The following PSMA1 variants were observed in gnomAD, a reference collection of about 807,000 sequenced individuals.
The protein encoded by PSMA1 is proteasome subunit alpha type-1.
Under a neutral mutation model 38.4 loss-of-function variants are expected in PSMA1, and 3 were observed. The observed-to-expected ratio is 0.08, with a 90% CI of 0.04 to 0.20. The LOEUF (loss-of-function observed/expected upper bound fraction) is 0.20. Ranked by LOEUF, PSMA1 falls within the 10% of genes least tolerant of loss-of-function variation. PSMA1 has a pLI of 1.00. For missense variants in PSMA1, 227 were observed against 325.3 expected, an observed-to-expected ratio of 0.70 and a Z score of 2.32; for synonymous variants, 101 against 107.1, an observed-to-expected ratio of 0.94 and a Z score of 0.35.
intron 1 of PSMA1, among the ~76,000 whole-genome samples, chr11:14,627,888 A>C (rs1373483781): frequency 6.6e-6 from 1 of 152,098 alleles, no homozygotes; most frequent in Non-Finnish European, 1.5e-5. Flanking sequence ...CATCTACTTT[A>C]TGTCACCCAT....
rs534458333 is a variant in PSMA1 at position 14,536,346 on chromosome 11, G to A, written c.22-17305C>T. Among the ~76,000 whole-genome samples, 12 of 152,080 alleles carry A rather than the reference G, an allele frequency of 7.9e-5. No homozygotes were observed. The East Asian group carries it at 2.4e-3, about 30-fold the overall frequency. ...ATTCGAAACCAGCCTGACCAACATGGCGAAACCCCGTCTTTACTAAAAATA... is the reference window on the plus strand; with the variant it reads ...ATTCGAAACCAGCCTGACCAACATGACGAAACCCCGTCTTTACTAAAAATA... On this transcript the variant is annotated intron_variant, in intron 2 of 10. Transcript: ENST00000418988.
At chr11:14,625,493 A>G (rs1852899336) in intron 1 of PSMA1, among the ~76,000 whole-genome samples, 1 of 152,172 alleles carries the variant, frequency 6.6e-6, no homozygotes, top group South Asian at 2.1e-4. Context: ...TAGGGAACAT[A>G]ATTGACTACT....
upstream of PSMA1, among the ~76,000 whole-genome samples, chr11:14,522,005 A>G (rs1851536676): frequency 6.6e-6 from 1 of 152,210 alleles, no homozygotes; most frequent in Non-Finnish European, 1.5e-5. Context: ...GTGTTTATAA[A>G]TAGTGCTAAC....
chr11:14,557,375 C>A (rs570884465), intron 2 of PSMA1, among the ~76,000 whole-genome samples: 12 of 152,092 alleles, frequency 7.9e-5, no homozygotes, highest in African/African-American at 2.9e-4. Context: ...GTAGCTGGGA[C>A]TACAGGTGCA....
At chr11:14,587,214 T>C (rs913424592) in intron 2 of PSMA1, among the ~76,000 whole-genome samples, 13 of 152,160 alleles carry the variant, frequency 8.5e-5, no homozygotes, top group African/African-American at 3.1e-4. Context: ...TCATTCTTGA[T>C]AGGTTAAAGC....
At chr11:14,574,069 A>C (rs949279080) in intron 2 of PSMA1, among the ~76,000 whole-genome samples, 9 of 152,218 alleles carry the variant, frequency 5.9e-5, no homozygotes, top group African/African-American at 2.2e-4. Flanking sequence ...AGAGAAGCAG[A>C]GTATAAAAGT....
upstream of PSMA1, among the ~76,000 whole-genome samples, chr11:14,522,748 AG>A (rs1388828448): frequency 6.6e-6 from 1 of 152,178 alleles, no homozygotes; most frequent in Non-Finnish European, 1.5e-5. Context: ...TCCTGTAATT[AG>A]GGATGGTAAC....
At chr11:14,545,039 G>A (rs1364656161) in intron 2 of PSMA1, among the ~76,000 whole-genome samples, 1 of 152,198 alleles carries the variant, frequency 6.6e-6, no homozygotes, top group Non-Finnish European at 1.5e-5. Flanking sequence ...GTGGAGTAGA[G>A]AGTAACAGCT....
chr11:14,603,558 T>C lies in PSMA1; in HGVS notation c.21+7408A>G, dbSNP rs903002420. ...AGGTGTGTGTCACAGTGTTTTGTGC[T>C]GAATTTTCCTGTTATTTGCAAGGGT... On this transcript the variant is annotated intron_variant, in intron 2 of 10. Transcript: ENST00000418988. 2.4e-4 allele frequency among the ~76,000 whole-genome samples: 37 copies of C among 152,360 alleles called. No individual in the cohort carries two copies. In the Middle Eastern group the frequency reaches 0.01, roughly 42 times the overall value.
At chr11:14,518,058 G>A in intron 2 of PSMA1, 77 bp from the exon 3 acceptor site, 3 of 1,055,526 alleles carry the variant, frequency 2.8e-6, no homozygotes, top group Non-Finnish European at 2.7e-6. Flanking sequence ...TCAAATATCA[G>A]GTGAGCACAG....
chr11:14,610,820 AT>A, intron 2 of PSMA1: 1 of 725,902 alleles, frequency 1.4e-6, no homozygotes, highest in Non-Finnish European at 2.2e-6. Context: ...TTACACAGAC[AT>A]TTTTCTTTTT....
chr11:14,547,112 A>C (rs1452851807), intron 2 of PSMA1, among the ~76,000 whole-genome samples: 1 of 152,228 alleles, frequency 6.6e-6, no homozygotes, highest in Non-Finnish European at 1.5e-5. Flanking sequence ...AAAAATAAGA[A>C]TGGAATGTGT....
At chr11:14,521,843 A>G (rs567111392), upstream of PSMA1, among the ~76,000 whole-genome samples, 1 of 152,180 alleles carries the variant, frequency 6.6e-6, no homozygotes, top group South Asian at 2.1e-4. Context: ...CAACAGTAGT[A>G]TATGAGGTTA....
chr11:14,555,849 G>C lies in PSMA1; in HGVS notation c.22-36808C>G, dbSNP rs998864531. Reference sequence around the variant, plus strand: ...ACTTCATATCTGATACAATCATTTTGTTTTCCCTTTAGTTAATAATTGTCT... The same window carrying C: ...ACTTCATATCTGATACAATCATTTTCTTTTCCCTTTAGTTAATAATTGTCT... On this transcript the variant is annotated intron_variant, in intron 2 of 10. Coordinates refer to the PSMA1 transcript ENST00000418988. Among the ~76,000 whole-genome samples, 6 of 152,252 alleles carry C rather than the reference G, an allele frequency of 3.9e-5. No homozygotes were observed. The Middle Eastern group carries it at 0.02, about 518-fold the overall frequency.
At chr11:14,514,176 T>C (rs1172838801) in intron 5 of PSMA1, 1 of 1,337,544 alleles carries the variant, frequency 7.5e-7, no homozygotes. Context: ...TAAGAAACTT[T>C]AAATCCCCTC....
At chr11:14,579,985 A>C (rs766926210) in intron 2 of PSMA1, among the ~76,000 whole-genome samples, 4 of 152,238 alleles carry the variant, frequency 2.6e-5, no homozygotes, top group Non-Finnish European at 5.9e-5. Context: ...ATCTGTCTGC[A>C]GTGATAATGG....
chr11:14,620,696 G>T (rs1288228328), intron 1 of PSMA1, among the ~76,000 whole-genome samples: 1 of 152,192 alleles, frequency 6.6e-6, no homozygotes, highest in Non-Finnish European at 1.5e-5. Flanking sequence ...AGTGGCCACT[G>T]GAAATTCTTC....
At chr11:14,570,431 GA>G (rs1435996005) in intron 2 of PSMA1, among the ~76,000 whole-genome samples, 1 of 152,204 alleles carries the variant, frequency 6.6e-6, no homozygotes, top group African/African-American at 2.4e-5. Flanking sequence ...GCTAAAGGAG[GA>G]TGTTCAAACC....
intron 2 of PSMA1, among the ~76,000 whole-genome samples, chr11:14,596,044 A>C (rs539504547): frequency 6.6e-6 from 1 of 152,338 alleles, no homozygotes; most frequent in African/African-American, 2.4e-5. Context: ...GTCAAAGATC[A>C]GATGGTTGTA....
Sources: gnomAD v4.1 joint callset for allele counts (sites outside exome capture counted in the v4.1 genomes callset) on GRCh38, gnomAD v4.1.1 for gene constraint, MANE v1.5 for transcripts, NCBI Gene and HGNC (gene_info 2026-07-23, HGNC 2026-07-21) for gene names.